Variants in NCK2 observed in about 807,000 individuals in gnomAD.
The protein encoded by NCK2 is NCK adaptor protein 2.
In NCK2, 16 loss-of-function variants were observed where a neutral mutation model predicts 33.9. The ratio of observed to expected loss-of-function variants is 0.47; its 90% confidence interval spans 0.32 to 0.72. NCK2 has a LOEUF of 0.72. Ranked by LOEUF, NCK2 falls within the 30% of genes least tolerant of loss-of-function variation. The probability of loss-of-function intolerance (pLI) is 0.03; values close to 1 mark genes in which losing one functional copy is unlikely to be tolerated. For missense variants in NCK2, 418 were observed against 537.3 expected, an observed-to-expected ratio of 0.78 and a Z score of 2.19; for synonymous variants, 273 against 239.9, an observed-to-expected ratio of 1.14 and a Z score of -1.27.
intron 1 of NCK2, among the ~76,000 whole-genome samples, chr2:105,746,608 A>G (rs917786038): frequency 6.6e-6 from 1 of 152,250 alleles, no homozygotes; most frequent in Non-Finnish European, 1.5e-5. Flanking sequence ...AGTTTTACGT[A>G]AAGAGAATGG....
chr2:105,769,087 C>CT (rs1484543620), intron 1 of NCK2, among the ~76,000 whole-genome samples: 1 of 152,198 alleles, frequency 6.6e-6, no homozygotes, highest in African/African-American at 2.4e-5. Flanking sequence ...CCCCCAACCC[C>CT]ACTGGTCACC....
At chr2:105,777,186 C>T (rs890965008) in intron 1 of NCK2, among the ~76,000 whole-genome samples, 2 of 152,110 alleles carry the variant, frequency 1.3e-5, no homozygotes, top group Non-Finnish European at 2.9e-5. Context: ...GCAGCTGGAA[C>T]CTTCTACTCT....
chr2:105,779,331 G>T (rs961913992), intron 1 of NCK2, among the ~76,000 whole-genome samples: 2 of 146,612 alleles, frequency 1.4e-5, no homozygotes, highest in Non-Finnish European at 3.0e-5. Context: ...AAAAGAATCC[G>T]TCATAAAATG....
intron 1 of NCK2, among the ~76,000 whole-genome samples, chr2:105,809,172 G>C (rs1458350637): frequency 6.6e-6 from 1 of 152,066 alleles, no homozygotes; most frequent in African/African-American, 2.4e-5. Flanking sequence ...GCAAAGTGTG[G>C]GTCACCTGGT....
rs57747666 is a variant in NCK2 at position 105,853,017 on chromosome 2, G to T, written c.-16-2031G>T. Among the ~76,000 whole-genome samples the T allele has an allele frequency of 6.1e-3, 928 of 152,220 alleles. 14 individuals carry two copies. The highest frequency in any genetic ancestry group is 0.02 in the African/African-American group (834 of 41,538). ...TATAAAAAAATTTTTTTAGCATCTA[G>T]TAGAAAATATGTTATTTAAAAATGG... On this transcript the variant is annotated intron_variant, in intron 2 of 4. Coordinates refer to ENST00000233154, the MANE Select transcript of NCK2 (RefSeq NM_003581.5).
rs1279516776 is a variant in NCK2, at chr2:105,893,262, C to A, written c.*86C>A. On this transcript the variant is annotated 3_prime_UTR_variant, in exon 5 of 5. Coordinates refer to ENST00000233154, the MANE Select transcript of NCK2 (RefSeq NM_003581.5). ...GTGGCAGAGGCTCCTCCCGCGGGGA[C>A]GGCCCCGACGGCTTCTCTGCGAGTC... 1.4e-5 allele frequency: 18 copies of A among 1,253,470 alleles called. No homozygotes were observed. In the Admixed American group the frequency reaches 4.3e-4, roughly 30 times the overall value. The allele number at this position is 1,253,470 out of a possible 1,614,324, so 77.6% of individuals were successfully genotyped here.
chr2:105,813,495 A>G (rs1358059736), intron 1 of NCK2, among the ~76,000 whole-genome samples: 1 of 152,174 alleles, frequency 6.6e-6, no homozygotes, highest in African/African-American at 2.4e-5. Context: ...TTAGTCAGGG[A>G]CCTCATCACT....
At chr2:105,789,866 G>T (rs1012542985) in intron 1 of NCK2, among the ~76,000 whole-genome samples, 1 of 152,184 alleles carries the variant, frequency 6.6e-6, no homozygotes, top group African/African-American at 2.4e-5. Context: ...GCTGGTGCTG[G>T]CCAGGGCACA....
intron 1 of NCK2, among the ~76,000 whole-genome samples, chr2:105,812,882 G>A (rs1210307943): frequency 3.3e-5 from 5 of 150,952 alleles, no homozygotes; most frequent in Non-Finnish European, 5.9e-5. Flanking sequence ...CAAACTTGGT[G>A]TGTGTACATT....
intron 1 of NCK2, among the ~76,000 whole-genome samples, chr2:105,783,653 G>A (rs771613648): frequency 6.6e-6 from 1 of 152,038 alleles, no homozygotes; most frequent in Non-Finnish European, 1.5e-5. Flanking sequence ...ACCTTAGCAC[G>A]AAGAAACCCT....
At position 105,745,022 on chromosome 2, in the gene NCK2, C is replaced by T. The variant is rs1689222272; in HGVS notation, c.-317C>T. On this transcript the variant is annotated 5_prime_UTR_variant, in exon 1 of 5. Transcript: ENST00000233154. ...TCCGCCCGGGCCGGCAGCGTCCGCCCGGCGGCGGGAGGAGGGAGCGGCGCA... is the reference window on the plus strand; with the variant it reads ...TCCGCCCGGGCCGGCAGCGTCCGCCTGGCGGCGGGAGGAGGGAGCGGCGCA... 1.4e-5 allele frequency: 2 copies of T among 145,482 alleles called. No individual in the cohort carries two copies. The highest frequency in any genetic ancestry group is 1.5e-5 in the Non-Finnish European group (1 of 65,528). 9.0% of individuals were successfully genotyped at this position (145,482 alleles called of 1,614,324 possible).
chr2:105,822,797 A>G (rs564400902), intron 2 of NCK2, among the ~76,000 whole-genome samples: 1 of 152,118 alleles, frequency 6.6e-6, no homozygotes, highest in South Asian at 2.1e-4. Context: ...ATTTTCGTGA[A>G]TTCTCTTTAA....
At chr2:105,860,452 CA>C (rs1309843745) in intron 3 of NCK2, among the ~76,000 whole-genome samples, 2 of 152,176 alleles carry the variant, frequency 1.3e-5, no homozygotes, top group African/African-American at 4.8e-5. Context: ...ATGTTCCACA[CA>C]GGCTCAGGGA....
chr2:105,773,793 TTG>T (rs1690212941), intron 1 of NCK2, among the ~76,000 whole-genome samples: 1 of 152,178 alleles, frequency 6.6e-6, no homozygotes, highest in Non-Finnish European at 1.5e-5. Flanking sequence ...TCCCCTGAGC[TTG>T]TGTCTGGCAG....
intron 1 of NCK2, among the ~76,000 whole-genome samples, chr2:105,792,749 G>A (rs570701770): frequency 1.7e-4 from 26 of 152,268 alleles, no homozygotes; most frequent in Non-Finnish European, 3.2e-4. Context: ...CCAGTCTGGT[G>A]CGATTTTCTG....
intron 2 of NCK2, among the ~76,000 whole-genome samples, chr2:105,827,326 C>T (rs1474120608): frequency 6.6e-6 from 1 of 152,182 alleles, no homozygotes; most frequent in African/African-American, 2.4e-5. Flanking sequence ...TATGCATGCA[C>T]CAAACAACAG....
At position 105,881,628 on chromosome 2, in the gene NCK2, C is replaced by G; in HGVS notation, c.527C>G (p.Ser176Cys). ...LEEVDEAAAE[S>C]PSFLSLRKGA... ...GAGGTGGACGAGGCGGCTGCGGAGT[C>G]CCCAAGCTTCCTGAGCCTGCGCAAG... Residue 176 changes from serine to cysteine, a missense_variant, in exon 4 of 5, where the codon TCC (serine) becomes TGC (cysteine). Transcript: ENST00000233154. The G allele has an allele frequency of 1.2e-6, 2 of 1,613,532 alleles. No homozygotes were observed. The highest frequency in any genetic ancestry group is 1.7e-6 in the Non-Finnish European group (2 of 1,179,792).
At chr2:105,828,063 T>C (rs538884751) in intron 2 of NCK2, among the ~76,000 whole-genome samples, 31 of 152,334 alleles carry the variant, frequency 2.0e-4, no homozygotes, top group Admixed American at 5.9e-4. Context: ...TGGAATTTCC[T>C]GTGAACCTAT....
intron 2 of NCK2, among the ~76,000 whole-genome samples, chr2:105,819,625 G>T (rs1184704386): frequency 6.6e-6 from 1 of 152,228 alleles, no homozygotes; most frequent in East Asian, 1.9e-4. Flanking sequence ...AGCTCAGTCT[G>T]CAGGAGCTCC....
Sources: gnomAD v4.1 joint callset for allele counts (sites outside exome capture counted in the v4.1 genomes callset) on GRCh38, gnomAD v4.1.1 for gene constraint, MANE v1.5 for transcripts, NCBI Gene and HGNC (gene_info 2026-07-23, HGNC 2026-07-21) for gene names.